Variants in SLX4IP observed in about 807,000 individuals in gnomAD.
SLX4IP encodes the protein SLX4 interacting protein.
In SLX4IP, 34 loss-of-function variants were observed where a neutral mutation model predicts 32.9. The ratio of observed to expected loss-of-function variants is 1.03; its 90% CI spans 0.79 to 1.38. The LOEUF is 1.38. Among genes scored for constraint, SLX4IP ranks in the 40% most tolerant of loss-of-function variants. SLX4IP has a pLI of 0.00. For synonymous variants in SLX4IP, 172 were observed against 171.7 expected (o/e 1.00, Z -0.01); for missense variants, 444 against 479.0 (o/e 0.93, Z 0.68).
rs550075656 is a variant in SLX4IP, at chr20:10,606,153, G to T, written c.405+4334G>T. On this transcript the variant is annotated intron_variant, in intron 6 of 7. Coordinates refer to ENST00000334534, the MANE Select transcript of SLX4IP (RefSeq NM_001009608.3). ...AAACTACAAAATAATTTTGCACAAA[G>T]AAGAAATTTTCTTGCAGATTAAAAA... 3.9e-5 allele frequency among the ~76,000 whole-genome samples: 6 copies of T among 152,222 alleles called. No homozygotes were observed. The East Asian group carries it at 1.2e-3, about 29-fold the overall frequency.
intron 2 of SLX4IP, among the ~76,000 whole-genome samples, chr20:10,528,263 A>G (rs980020168): frequency 1.2e-4 from 19 of 152,234 alleles, no homozygotes; most frequent in Admixed American, 1.2e-3. Flanking sequence ...GAAAGCATCA[A>G]AGCAATAGGA....
intron 4 of SLX4IP, among the ~76,000 whole-genome samples, chr20:10,569,110 C>T (rs1424190314): frequency 1.3e-5 from 2 of 151,918 alleles, no homozygotes; most frequent in African/African-American, 2.4e-5. Flanking sequence ...AAAATAAGTC[C>T]GTGTACTGAC....
intron 5 of SLX4IP, among the ~76,000 whole-genome samples, chr20:10,600,456 G>A (rs1320732639): frequency 6.6e-6 from 1 of 152,172 alleles, no homozygotes; most frequent in African/African-American, 2.4e-5. Flanking sequence ...TTCTGAATAG[G>A]ATAACTTGGA....
At chr20:10,521,552 T>C (rs2065901172) in intron 2 of SLX4IP, among the ~76,000 whole-genome samples, 1 of 152,186 alleles carries the variant, frequency 6.6e-6, no homozygotes, top group Non-Finnish European at 1.5e-5. Context: ...GTATTTTCTT[T>C]TCCTGCTCAA....
chr20:10,497,401 A>G (rs1182313642), intron 2 of SLX4IP, among the ~76,000 whole-genome samples: 1 of 152,140 alleles, frequency 6.6e-6, no homozygotes, highest in Admixed American at 6.6e-5. Flanking sequence ...TGCTTTCACT[A>G]TAGTGTCTAG....
chr20:10,451,463 T>C (rs921130037), intron 1 of SLX4IP, among the ~76,000 whole-genome samples: 1 of 151,880 alleles, frequency 6.6e-6, no homozygotes, highest in Non-Finnish European at 1.5e-5. Flanking sequence ...CCTGGCCGTG[T>C]TTTTCTTGTT....
chr20:10,589,761 G>A lies in SLX4IP; in HGVS notation c.239-8914G>A, dbSNP rs528654007. Reference sequence around the variant, plus strand: ...TCATATGATTTCGTTTTTGTAGAAAGAAATAAGAGTATATGTGATTATATA... The same window carrying A: ...TCATATGATTTCGTTTTTGTAGAAAAAAATAAGAGTATATGTGATTATATA... On this transcript the variant is annotated intron_variant, in intron 4 of 7. Coordinates refer to ENST00000334534, the MANE Select transcript of SLX4IP (RefSeq NM_001009608.3). 3.2e-4 allele frequency among the ~76,000 whole-genome samples: 49 copies of A among 151,960 alleles called. No individual in the cohort carries two copies. In the South Asian group the frequency reaches 9.8e-3, roughly 30 times the overall value.
intron 2 of SLX4IP, among the ~76,000 whole-genome samples, chr20:10,478,313 G>C (rs942495444): frequency 6.6e-6 from 1 of 152,172 alleles, no homozygotes; most frequent in Non-Finnish European, 1.5e-5. Flanking sequence ...AGTTCAGTAG[G>C]TGTTTTTCCT....
chr20:10,571,727 A>G (rs1368798845), intron 4 of SLX4IP, among the ~76,000 whole-genome samples: 1 of 152,138 alleles, frequency 6.6e-6, no homozygotes, highest in Non-Finnish European at 1.5e-5. Context: ...TCAGAGCACA[A>G]GTGTTGGGAG....
At chr20:10,503,919 C>T (rs1185867858) in intron 2 of SLX4IP, among the ~76,000 whole-genome samples, 1 of 152,156 alleles carries the variant, frequency 6.6e-6, no homozygotes, top group African/African-American at 2.4e-5. Context: ...TAAAGATCTA[C>T]CCTAATGAGC....
intron 2 of SLX4IP, among the ~76,000 whole-genome samples, chr20:10,485,453 T>TA (rs2065563754): frequency 6.6e-6 from 1 of 151,804 alleles, no homozygotes. Context: ...CTGTCTCTAC[T>TA]AAAAAAACAA....
chr20:10,551,217 G>A (rs369681606), intron 2 of SLX4IP, among the ~76,000 whole-genome samples: 1 of 152,214 alleles, frequency 6.6e-6, no homozygotes, highest in African/African-American at 2.4e-5. Flanking sequence ...TAACCAACAC[G>A]TTCAGTTGGC....
At chr20:10,443,519 A>G (rs2065175104) in intron 1 of SLX4IP, among the ~76,000 whole-genome samples, 1 of 152,144 alleles carries the variant, frequency 6.6e-6, no homozygotes. Context: ...GGATAACTCA[A>G]CTCGCTTTAG....
chr20:10,501,318 A>T (rs1570218), intron 2 of SLX4IP, among the ~76,000 whole-genome samples: 18,009 of 152,170 alleles, frequency 0.12, 1,331 homozygotes, highest in Non-Finnish European at 0.17. Context: ...TTTAATTTAC[A>T]TTTGGTTCTT....
chr20:10,497,069 A>G (rs945531926), intron 2 of SLX4IP, among the ~76,000 whole-genome samples: 1 of 152,034 alleles, frequency 6.6e-6, no homozygotes, highest in Non-Finnish European at 1.5e-5. Context: ...TTTGTTTTTA[A>G]TCAGTATCTG....
intron 2 of SLX4IP, among the ~76,000 whole-genome samples, chr20:10,511,500 A>T (rs759249765): frequency 9.9e-5 from 15 of 152,214 alleles, no homozygotes; most frequent in Non-Finnish European, 1.9e-4. Flanking sequence ...GCCTCCTTGA[A>T]ACCTACCTCC....
At chr20:10,459,608 T>C (rs1443624361) in intron 2 of SLX4IP, among the ~76,000 whole-genome samples, 2 of 152,248 alleles carry the variant, frequency 1.3e-5, no homozygotes, top group East Asian at 3.8e-4. Context: ...TTTCTCATTA[T>C]GTCAAAGCAG....
At chr20:10,618,948 C>CGGGGGAGGGGGGGGGGG (rs2067072672) in intron 6 of SLX4IP, among the ~76,000 whole-genome samples, 1 of 87,726 alleles carries the variant, frequency 1.1e-5, no homozygotes, top group African/African-American at 4.3e-5. Context: ...GTTGGGGGGG[C>CGGGGGAGGGGGGGGGGG]GGGGGAGGGG....
At chr20:10,553,090 G>A (rs575804945) in intron 2 of SLX4IP, among the ~76,000 whole-genome samples, 64 of 152,180 alleles carry the variant, frequency 4.2e-4, no homozygotes, top group Non-Finnish European at 6.6e-4. Flanking sequence ...AAAAAGTTAC[G>A]TCTTTATTGT....
Sources: allele counts gnomAD v4.1 joint callset (sites outside exome capture counted in the v4.1 genomes callset), GRCh38; gene constraint gnomAD v4.1.1; transcripts MANE v1.5; gene names NCBI Gene and HGNC (gene_info 2026-07-23, HGNC 2026-07-21).